Variants in AGO2 observed in about 807,000 individuals in gnomAD.
AGO2 encodes the protein protein argonaute-2.
AGO2 carries 5 observed loss-of-function variants against 102.3 expected under a neutral mutation model. The observed-to-expected ratio is 0.05, with a 90% CI of 0.03 to 0.10. The LOEUF is 0.10. Among genes scored for constraint, AGO2 ranks in the 10% least tolerant of loss-of-function variants. The pLI, the probability that AGO2 is intolerant of heterozygous loss-of-function variation, is 1.00. For synonymous variants in AGO2, 449 were observed against 473.1 expected, an observed-to-expected ratio of 0.95 and a Z score of 0.66; for missense variants, 541 against 1,183.7, an observed-to-expected ratio of 0.46 and a Z score of 7.97.
chr8:140,601,673 G>A (rs892646853), intron 1 of AGO2, among the ~76,000 whole-genome samples: 2 of 152,200 alleles, frequency 1.3e-5, no homozygotes, highest in African/African-American at 2.4e-5. Flanking sequence ...TCATCTCTTG[G>A]TGTTTGCCTA....
At chr8:140,548,208 C>T (rs946961384) in intron 12 of AGO2, among the ~76,000 whole-genome samples, 4 of 150,876 alleles carry the variant, frequency 2.7e-5, no homozygotes, top group Non-Finnish European at 4.4e-5. Context: ...CCCAGCTACT[C>T]GGGAGGCTGA....
chr8:140,532,951 T>A, intron 17 of AGO2, among the ~76,000 whole-genome samples: 1 of 147,636 alleles, frequency 6.8e-6, no homozygotes, highest in East Asian at 2.0e-4. Flanking sequence ...TGAGCCGAGA[T>A]CACGCCACTG....
the AGO2 span, among the ~76,000 whole-genome samples, chr8:140,642,060 GA>G: frequency 7.4e-5 from 11 of 148,060 alleles, no homozygotes; most frequent in South Asian, 6.4e-4. Context: ...AAAGAAAAAG[GA>G]AAAAAAAAGA....
At chr8:140,639,327 A>C (rs943160780), upstream of AGO2, among the ~76,000 whole-genome samples, 1 of 152,166 alleles carries the variant, frequency 6.6e-6, no homozygotes, top group African/African-American at 2.4e-5. Context: ...TAAAAATACA[A>C]AAAATTAGCT....
At chr8:140,568,812 T>G (rs1039765805) in intron 3 of AGO2, among the ~76,000 whole-genome samples, 4 of 151,848 alleles carry the variant, frequency 2.6e-5, no homozygotes, top group Admixed American at 6.6e-5. Context: ...GTACAGGGAG[T>G]GGCTGCTCGG....
At chr8:140,575,226 G>A (rs1005075369) in intron 2 of AGO2, among the ~76,000 whole-genome samples, 2 of 151,914 alleles carry the variant, frequency 1.3e-5, no homozygotes, top group Admixed American at 1.3e-4. Context: ...GGCAGCCACG[G>A]CACAATCTCC....
intron 4 of AGO2, among the ~76,000 whole-genome samples, chr8:140,561,198 C>A (rs180671370): frequency 6.6e-6 from 1 of 152,232 alleles, no homozygotes; most frequent in East Asian, 1.9e-4. Context: ...ACCTGCTGCA[C>A]GGGCACCGTG....
chr8:140,536,499 G>T (rs900151452), intron 16 of AGO2, among the ~76,000 whole-genome samples: 7 of 151,792 alleles, frequency 4.6e-5, no homozygotes, highest in Non-Finnish European at 8.8e-5. Context: ...GCTAATTTTT[G>T]TATTTTTAGT....
At chr8:140,556,997 T>TG in intron 8 of AGO2, 92 bp downstream of exon 8, 1 of 1,498,708 alleles carries the variant, frequency 6.7e-7, no homozygotes, top group South Asian at 1.3e-5. Flanking sequence ...TGTATCTGAC[T>TG]GGGGCCTCGG....
chr8:140,556,309 G>C (rs748070638), intron 8 of AGO2, 23 bp from the exon 9 acceptor site: 2 of 1,613,030 alleles, frequency 1.2e-6, no homozygotes, highest in African/African-American at 2.7e-5. Context: ...CGTAGAGACA[G>C]GCCGTCAGTG....
At chr8:140,559,252 T>C (rs1588456832) in intron 6 of AGO2, 143 bp downstream of exon 6, 3 of 1,031,898 alleles carry the variant, frequency 2.9e-6, no homozygotes, top group Non-Finnish European at 4.2e-6. Flanking sequence ...CTCATCTCCA[T>C]GCTACCTCAT....
chr8:140,529,874 G>A lies in AGO2; in HGVS notation c.*2170C>T, dbSNP rs2072560708. Reference sequence around the variant, plus strand: ...AAGAAACACACCTTTGAGACACATGGTTCCAGATGATTGTAAAAATGGCTG... The same window carrying A: ...AAGAAACACACCTTTGAGACACATGATTCCAGATGATTGTAAAAATGGCTG... On this transcript the variant is annotated 3_prime_UTR_variant, in exon 19 of 19. Coordinates refer to ENST00000220592, the MANE Select transcript of AGO2 (RefSeq NM_012154.5). 6.6e-6 allele frequency: 1 copy of A among 152,204 alleles called. No homozygotes were observed. Among genetic ancestry groups the A allele is most frequent in the Non-Finnish European group, 1.5e-5 (1 of 68,046 alleles). 9.4% of individuals were successfully genotyped at this position (152,204 alleles called of 1,614,324 possible).
intron 2 of AGO2, among the ~76,000 whole-genome samples, chr8:140,573,306 A>G (rs1456303543): frequency 6.6e-6 from 1 of 151,564 alleles, no homozygotes; most frequent in Admixed American, 6.6e-5. Context: ...AGTAGCTAGG[A>G]TTACAGGTGC....
At chr8:140,620,464 G>A (rs369290552) in intron 1 of AGO2, among the ~76,000 whole-genome samples, 28 of 152,304 alleles carry the variant, frequency 1.8e-4, no homozygotes, top group East Asian at 9.6e-4. Flanking sequence ...TGGAGGGTGC[G>A]GAGCAGGAGA....
chr8:140,625,461 C>T (rs2074264114), intron 1 of AGO2, among the ~76,000 whole-genome samples: 1 of 152,194 alleles, frequency 6.6e-6, no homozygotes, highest in Non-Finnish European at 1.5e-5. Context: ...TCGCCCCTCC[C>T]CAGCCCCAGC....
intron 16 of AGO2, among the ~76,000 whole-genome samples, chr8:140,536,040 CT>C (rs1482263421): frequency 6.6e-6 from 1 of 152,252 alleles, no homozygotes; most frequent in East Asian, 1.9e-4. Flanking sequence ...AGTGCCTGTG[CT>C]TTGCCGGTAG....
intron 1 of AGO2, among the ~76,000 whole-genome samples, chr8:140,610,388 T>C (rs991401380): frequency 6.6e-6 from 1 of 151,976 alleles, no homozygotes; most frequent in African/African-American, 2.4e-5. Context: ...CAGCTAATTG[T>C]TTGTATTTTC....
At chr8:140,590,682 C>T (rs2133027987) in intron 1 of AGO2, among the ~76,000 whole-genome samples, 1 of 152,192 alleles carries the variant, frequency 6.6e-6, no homozygotes, top group East Asian at 1.9e-4. Context: ...AGTGCACCCT[C>T]CAGCCCTGAG....
At chr8:140,570,046 C>T (rs544556056) in intron 3 of AGO2, among the ~76,000 whole-genome samples, 2 of 152,382 alleles carry the variant, frequency 1.3e-5, no homozygotes, top group South Asian at 4.1e-4. Context: ...AGAAGATGGA[C>T]ATGGGACACC....
Sources: gnomAD v4.1 joint callset for allele counts (sites outside exome capture counted in the v4.1 genomes callset) on GRCh38, gnomAD v4.1.1 for gene constraint, MANE v1.5 for transcripts, NCBI Gene and HGNC (gene_info 2026-07-23, HGNC 2026-07-21) for gene names.